PGBD5: variants seen among roughly 807,000 people sequenced by gnomAD.
PGBD5 encodes the protein piggyBac transposable element-derived protein 5.
PGBD5 carries 14 observed loss-of-function variants against 47.9 expected under a neutral mutation model. The ratio of observed to expected loss-of-function variants is 0.29; its 90% CI spans 0.19 to 0.46. The LOEUF (loss-of-function observed/expected upper bound fraction) is 0.46, where lower values mean the gene tolerates loss of function less well. Ranked by LOEUF, PGBD5 falls within the 20% of genes least tolerant of loss-of-function variation. The probability of loss-of-function intolerance (pLI) is 1.00; values close to 1 mark genes in which losing one functional copy is unlikely to be tolerated. For missense variants in PGBD5, 635 were observed against 716.0 expected, an observed-to-expected ratio of 0.89 and a Z score of 1.29; for synonymous variants, 316 against 306.3, an observed-to-expected ratio of 1.03 and a Z score of -0.33.
At chr1:230,399,737 T>A (rs985708787) in intron 1 of PGBD5, among the ~76,000 whole-genome samples, 9 of 152,140 alleles carry the variant, frequency 5.9e-5, no homozygotes, top group Non-Finnish European at 1.2e-4. Context: ...GGGCACATGA[T>A]ACTCAATCCA....
chr1:230,374,632 T>C (rs1571847258), intron 1 of PGBD5, among the ~76,000 whole-genome samples: 1 of 152,194 alleles, frequency 6.6e-6, no homozygotes, highest in Non-Finnish European at 1.5e-5. Context: ...CTGGAAATAA[T>C]TGATACCATG....
chr1:230,400,708 G>A (rs558579001), intron 1 of PGBD5, among the ~76,000 whole-genome samples: 3 of 152,180 alleles, frequency 2.0e-5, no homozygotes, highest in East Asian at 3.9e-4. Context: ...AGCTGGACAC[G>A]GTGGCACATG....
chr1:230,344,516 G>GT (rs1254260804), intron 3 of PGBD5, among the ~76,000 whole-genome samples: 3 of 152,220 alleles, frequency 2.0e-5, no homozygotes, highest in South Asian at 2.1e-4. Context: ...CACACACTCT[G>GT]TAAGTGTTCG....
At chr1:230,359,864 C>T (rs1667716145) in intron 1 of PGBD5, among the ~76,000 whole-genome samples, 1 of 152,156 alleles carries the variant, frequency 6.6e-6, no homozygotes, top group Non-Finnish European at 1.5e-5. Context: ...AAAGTGGCAC[C>T]ACATACATCA....
In PGBD5 at chr1:230,320,452, C is replaced by G. The variant is rs1182432035; in HGVS notation, c.*2973G>C. ...TTGTTTTGCATAAGGCTGGGAAGCT[C>G]ATTGCTCCATCTTTTTTTTCCAGAG... On this transcript the variant is annotated 3_prime_UTR_variant, in exon 7 of 7. Coordinates refer to ENST00000391860, the MANE Select transcript of PGBD5 (RefSeq NM_001258311.2). The G allele has an allele frequency of 6.6e-6, 1 of 152,160 alleles. No homozygotes were observed. Among genetic ancestry groups the G allele is most frequent in the Non-Finnish European group, 1.5e-5 (1 of 68,042 alleles). The allele number at this position is 152,160 out of a possible 1,614,324, so 9.4% of individuals were successfully genotyped here.
chr1:230,338,180 T>C (rs1667355670), intron 3 of PGBD5, among the ~76,000 whole-genome samples: 1 of 152,226 alleles, frequency 6.6e-6, no homozygotes, highest in African/African-American at 2.4e-5. Flanking sequence ...AATTTTTAAA[T>C]GCTGTGTATT....
At chr1:230,399,379 T>C (rs1330479673) in intron 1 of PGBD5, among the ~76,000 whole-genome samples, 1 of 152,126 alleles carries the variant, frequency 6.6e-6, no homozygotes, top group Non-Finnish European at 1.5e-5. Context: ...AGCTGACTGC[T>C]CAGAACACGA....
At chr1:230,350,535 A>G (rs913734450) in intron 3 of PGBD5, among the ~76,000 whole-genome samples, 6 of 152,144 alleles carry the variant, frequency 3.9e-5, no homozygotes, top group Non-Finnish European at 8.8e-5. Context: ...ACCTGGTGGG[A>G]GTGGGGAGGC....
chr1:230,335,766 T>TGCACAC (rs1558192727), intron 4 of PGBD5, among the ~76,000 whole-genome samples: 10 of 310 alleles, frequency 0.032, no homozygotes, highest in Non-Finnish European at 0.036. Flanking sequence ...GATACACAGA[T>TGCACAC]ACAGACAGAC....
rs74143184 is a variant in PGBD5 at position 230,317,550 on chromosome 1, C to T, written c.*5875G>A. Reference sequence around the variant, plus strand: ...GAATGAATCAAAGACTAGCGAGACGCACCAAGAACAGAGGTGCGCTGCCGG... The same window carrying T: ...GAATGAATCAAAGACTAGCGAGACGTACCAAGAACAGAGGTGCGCTGCCGG... On this transcript the variant is annotated 3_prime_UTR_variant, in exon 7 of 7. Coordinates refer to ENST00000391860, the MANE Select transcript of PGBD5 (RefSeq NM_001258311.2). 6.6e-6 allele frequency: 1 copy of T among 152,280 alleles called. No individual in the cohort carries two copies. Among genetic ancestry groups the T allele is most frequent in the African/African-American group, 2.4e-5 (1 of 41,544 alleles). The allele number at this position is 152,280 out of a possible 1,614,324, so 9.4% of individuals were successfully genotyped here.
At chr1:230,373,692 T>C (rs900340736) in intron 1 of PGBD5, among the ~76,000 whole-genome samples, 2 of 152,198 alleles carry the variant, frequency 1.3e-5, no homozygotes, top group Non-Finnish European at 2.9e-5. Flanking sequence ...CAGCGATACA[T>C]GTGAGGTTTT....
chr1:230,420,014 T>C (rs1181746552), intron 1 of PGBD5, among the ~76,000 whole-genome samples: 4 of 152,152 alleles, frequency 2.6e-5, no homozygotes, highest in Non-Finnish European at 4.4e-5. Context: ...TAATCCCAGC[T>C]ACTCAGGAGG....
chr1:230,373,334 GGT>G (rs1667956846), intron 1 of PGBD5, among the ~76,000 whole-genome samples: 3 of 152,140 alleles, frequency 2.0e-5, no homozygotes, highest in African/African-American at 7.2e-5. Flanking sequence ...ATAGGTTTTG[GGT>G]CTTGTGTCGG....
intron 4 of PGBD5, among the ~76,000 whole-genome samples, chr1:230,334,733 C>T (rs903985837): frequency 1.1e-4 from 17 of 152,194 alleles, no homozygotes; most frequent in African/African-American, 3.9e-4. Flanking sequence ...TACATGATGA[C>T]GCCCTGGGTG....
chr1:230,426,000 G>A lies in PGBD5; in HGVS notation c.-72C>T, dbSNP rs1275276627. 5 of 699,502 alleles carry A rather than the reference G, an allele frequency of 7.1e-6. No homozygotes were observed. The highest frequency in any genetic ancestry group is 4.0e-5 in the African/African-American group (2 of 49,654). The allele number at this position is 699,502 out of a possible 1,614,324, so 43.3% of individuals were successfully genotyped here. A position where few individuals can be genotyped will look rare whatever the true frequency, so the allele number is the denominator to read the frequency against. On this transcript the variant is annotated 5_prime_UTR_variant, in exon 1 of 7. Transcript: ENST00000391860. The surrounding 1 kb of genome is among the most constrained non-coding windows in gnomAD (Gnocchi z 4.7). The stretch of plus-strand genomic sequence containing the variant: ...CGCACACGCCGGGCCCTGGGCCCGC[G>A]CCGCGGCCCGCCGCCCCCCACCAGC...
At chr1:230,361,014 T>C (rs979309386) in intron 1 of PGBD5, among the ~76,000 whole-genome samples, 1 of 152,184 alleles carries the variant, frequency 6.6e-6, no homozygotes, top group Non-Finnish European at 1.5e-5. Flanking sequence ...GACTCACAGC[T>C]GGGGAGGCCT....
In PGBD5 at chr1:230,357,107, G is replaced by C. The variant is rs531428072; in HGVS notation, c.546C>G (p.Cys182Trp). ...GYMISTSISH[C>W]ESVLSIWSGG... The stretch of plus-strand genomic sequence containing the variant: ...CGCTCCAGATGCTGAGGACGGACTC[G>C]CAGTGGGAGATGCTGGTGGAGATCA... Residue 182 changes from cysteine to tryptophan, a missense_variant, in exon 2 of 7, where the codon TGC (cysteine) becomes TGG (tryptophan). By Grantham distance (215) the Cys-to-Trp change is radical. Transcript: ENST00000391860. The surrounding 1 kb of genome is among the most constrained non-coding windows in gnomAD (Gnocchi z 5.7). 1.2e-6 allele frequency: 2 copies of C among 1,614,164 alleles called. No homozygotes were observed. Among genetic ancestry groups the C allele is most frequent in the Non-Finnish European group, 1.7e-6 (2 of 1,180,038 alleles).
At chr1:230,420,921 T>C (rs1657633008) in intron 1 of PGBD5, among the ~76,000 whole-genome samples, 2 of 152,230 alleles carry the variant, frequency 1.3e-5, no homozygotes, top group African/African-American at 4.8e-5. Context: ...GGAATGCACC[T>C]TCAGTCCCAG....
chr1:230,413,969 A>C (rs373779739), intron 1 of PGBD5, among the ~76,000 whole-genome samples: 4 of 152,318 alleles, frequency 2.6e-5, no homozygotes, highest in African/African-American at 9.6e-5. Context: ...AAAACTTCTC[A>C]GGGCTGTTCT....
Sources: gnomAD v4.1 joint callset for allele counts (sites outside exome capture counted in the v4.1 genomes callset) on GRCh38, gnomAD v4.1.1 for gene constraint, Gnocchi (gnomAD v3.1) non-coding constraint, MANE v1.5 for transcripts, NCBI Gene and HGNC (gene_info 2026-07-23, HGNC 2026-07-21) for gene names.